The following PTPRE variants were observed in gnomAD, a reference collection of about 807,000 sequenced individuals.
The protein encoded by PTPRE is receptor-type tyrosine-protein phosphatase epsilon.
PTPRE carries 51 observed loss-of-function variants against 102.0 expected under a neutral mutation model. The observed-to-expected ratio is 0.50, with a 90% CI of 0.40 to 0.63. PTPRE has a LOEUF of 0.63. PTPRE is among the 30% of genes least tolerant of loss of function. The probability of loss-of-function intolerance (pLI) is 0.00; values close to 1 mark genes in which losing one functional copy is unlikely to be tolerated. For synonymous variants in PTPRE, 345 were observed against 348.2 expected, an observed-to-expected ratio of 0.99 and a Z score of 0.10; for missense variants, 752 against 915.1, an observed-to-expected ratio of 0.82 and a Z score of 2.30.
At position 128,047,487 on chromosome 10, in the gene PTPRE, C is replaced by G; in HGVS notation, c.207C>G (p.Phe69Leu). 1 of 1,613,322 alleles carries G rather than the reference C, an allele frequency of 6.2e-7. No homozygotes were observed. Among genetic ancestry groups the G allele is most frequent in the Non-Finnish European group, 8.5e-7 (1 of 1,180,016 alleles). ...LLVLLLAAYF[F>L]RFRKQRKAVV... ...TGCTCCTTCTCGCCGCCTACTTCTTCAGGTAGGAGTGTCCCGGGGCACTGA... is the reference window on the plus strand; with the variant it reads ...TGCTCCTTCTCGCCGCCTACTTCTTGAGGTAGGAGTGTCCCGGGGCACTGA... The change falls in exon 4 of 21, where the codon TTC (phenylalanine) becomes TTG (leucine). Residue 69 changes from phenylalanine to leucine, a missense_variant and splice_region_variant. This residue lies in a region of PTPRE where 116 missense variants were observed against 90.8 expected (regional missense o/e 1.28). Coordinates refer to ENST00000254667, the MANE Select transcript of PTPRE (RefSeq NM_006504.6).
chr10:128,001,504 T>G (rs1275900135), intron 2 of PTPRE, among the ~76,000 whole-genome samples: 1 of 152,182 alleles, frequency 6.6e-6, no homozygotes, highest in Non-Finnish European at 1.5e-5. Context: ...CCGGAATTGC[T>G]TCTTCGGGGC....
intron 1 of PTPRE, chr10:127,936,208 A>C (rs1293764157): frequency 6.6e-6 from 1 of 152,192 alleles, no homozygotes; most frequent in Non-Finnish European, 1.5e-5. Context: ...GGACAGTGCC[A>C]TTTTCTATCT....
rs1845589989 is a variant in PTPRE, at chr10:127,907,803, CG to C, written c.-31+495del. Among the ~76,000 whole-genome samples, 1 of 152,182 alleles carries C rather than the reference CG, an allele frequency of 6.6e-6. No individual in the cohort carries two copies. Among genetic ancestry groups the C allele is most frequent in the Non-Finnish European group, 1.5e-5 (1 of 68,016 alleles). ...CCGGCGCTCTGCCAGGATGCTGCCC[CG>C]CAGCCGGGCGGGCGCCCGCGCCTTC... is the stretch of plus-strand genomic sequence containing the variant. On this transcript the variant is annotated intron_variant, in intron 1 of 20. Coordinates refer to ENST00000254667, the MANE Select transcript of PTPRE (RefSeq NM_006504.6). This position sits in a 1 kb window ranked among gnomAD's most constrained non-coding sequence, Gnocchi z 4.8.
At chr10:127,933,906 C>A (rs1432199494) in intron 1 of PTPRE, among the ~76,000 whole-genome samples, 7 of 152,094 alleles carry the variant, frequency 4.6e-5, no homozygotes, top group African/African-American at 1.7e-4. Context: ...GCATGATAAT[C>A]CTGATTTGAG....
chr10:127,967,728 A>G (rs1850364705), intron 1 of PTPRE, among the ~76,000 whole-genome samples: 1 of 152,168 alleles, frequency 6.6e-6, no homozygotes, highest in Admixed American at 6.5e-5. Flanking sequence ...CTTTCAAGTG[A>G]GCCAGCACCC....
intron 1 of PTPRE, chr10:127,929,797 C>G (rs1847284341): frequency 6.6e-6 from 1 of 152,162 alleles, no homozygotes. Flanking sequence ...TGGCTCACAC[C>G]TGTAATCTTA....
At chr10:128,018,455 C>A (rs1845610419) in intron 2 of PTPRE, among the ~76,000 whole-genome samples, 1 of 152,232 alleles carries the variant, frequency 6.6e-6, no homozygotes, top group Non-Finnish European at 1.5e-5. Context: ...GTCTTGTGGT[C>A]CAATCAAAAT....
At chr10:128,066,497 A>G (rs985530630) in intron 11 of PTPRE, among the ~76,000 whole-genome samples, 1 of 152,220 alleles carries the variant, frequency 6.6e-6, no homozygotes, top group African/African-American at 2.4e-5. Flanking sequence ...GTCCTCCCTC[A>G]GTAGCACAGT....
At position 128,082,925 on chromosome 10, in the gene PTPRE, A is replaced by G. The variant is rs369913391; in HGVS notation, c.*19A>G. The G allele has an allele frequency of 3.3e-6, 5 of 1,529,236 alleles. No homozygotes were observed. The African/African-American group carries it at 5.7e-5, about 17-fold the overall frequency. The allele number at this position is 1,529,236 out of a possible 1,614,324, so 94.7% of individuals were successfully genotyped here. A position where few individuals can be genotyped will look rare whatever the true frequency, so the allele number is the denominator to read the frequency against. On this transcript the variant is annotated 3_prime_UTR_variant, in exon 21 of 21. Transcript: ENST00000254667. ...CAAATGAAGATTCCTGCCTTAAAAT[A>G]TTTTTTAATTTAATGGTCAGTATAT...
At chr10:128,082,768 C>G (rs1851836132) in intron 20 of PTPRE, 64 bp from the exon 21 acceptor site, 4 of 1,495,584 alleles carry the variant, frequency 2.7e-6, no homozygotes, top group Non-Finnish European at 3.6e-6. Context: ...TTGAGTATTT[C>G]TCCTGATTAA....
At chr10:127,933,035 C>T (rs1164366456) in intron 1 of PTPRE, among the ~76,000 whole-genome samples, 6 of 152,222 alleles carry the variant, frequency 3.9e-5, no homozygotes, top group African/African-American at 1.4e-4. Context: ...TCTCCCTCAT[C>T]TCTCTGGCTC....
chr10:128,041,360 T>G (rs777973117), intron 3 of PTPRE, among the ~76,000 whole-genome samples: 23 of 151,994 alleles, frequency 1.5e-4, no homozygotes, highest in Non-Finnish European at 2.9e-4. Context: ...ACTAAAGAAT[T>G]ATTCTTAGGC....
At chr10:127,913,821 T>C (rs1019645685) in intron 1 of PTPRE, among the ~76,000 whole-genome samples, 1 of 152,200 alleles carries the variant, frequency 6.6e-6, no homozygotes, top group African/African-American at 2.4e-5. Flanking sequence ...ACTTCCACAA[T>C]TTGATGTCCG....
chr10:127,984,713 T>C (rs927926272), intron 2 of PTPRE, among the ~76,000 whole-genome samples: 1 of 152,186 alleles, frequency 6.6e-6, no homozygotes, highest in South Asian at 2.1e-4. Context: ...ATCTGATGGT[T>C]TTTTAAGGGG....
At chr10:127,915,840 T>G (rs1027967650) in intron 1 of PTPRE, among the ~76,000 whole-genome samples, 2 of 152,206 alleles carry the variant, frequency 1.3e-5, no homozygotes, top group African/African-American at 4.8e-5. Flanking sequence ...GGTTTTATTA[T>G]AGTTTCTCAA....
chr10:128,009,875 C>G (rs1439994516), intron 2 of PTPRE, among the ~76,000 whole-genome samples: 1 of 152,228 alleles, frequency 6.6e-6, no homozygotes, highest in East Asian at 1.9e-4. Flanking sequence ...CCTCACCCCC[C>G]TCCATGGCCA....
At chr10:127,995,818 C>A (rs1290091528) in intron 2 of PTPRE, among the ~76,000 whole-genome samples, 1 of 120,264 alleles carries the variant, frequency 8.3e-6, no homozygotes, top group Non-Finnish European at 1.7e-5. Flanking sequence ...ACCAACTCTA[C>A]ACGAGCACAC....
intron 10 of PTPRE, 126 bp downstream of exon 10, chr10:128,063,306 C>G: frequency 1.4e-6 from 2 of 1,473,710 alleles, no homozygotes; most frequent in Non-Finnish European, 1.8e-6. Context: ...AGAAAAAAAC[C>G]CAAACACATG....
At chr10:127,969,652 G>A (rs1192183855) in intron 1 of PTPRE, among the ~76,000 whole-genome samples, 1 of 133,408 alleles carries the variant, frequency 7.5e-6, no homozygotes, top group Admixed American at 8.8e-5. Flanking sequence ...TGGCAACAGA[G>A]CGATACTCTG....
Sources: gnomAD v4.1 joint callset for allele counts (sites outside exome capture counted in the v4.1 genomes callset) on GRCh38, gnomAD v4.1.1 for gene constraint, gnomAD v4.1.1 regional missense constraint, Gnocchi (gnomAD v3.1) non-coding constraint, MANE v1.5 for transcripts, NCBI Gene and HGNC (gene_info 2026-07-23, HGNC 2026-07-21) for gene names.